CHSY3: variants seen among roughly 807,000 people sequenced by gnomAD.
CHSY3 encodes the protein chondroitin sulfate synthase 3.
In CHSY3, 35 loss-of-function variants were observed where a neutral mutation model predicts 67.2. The ratio of observed to expected loss-of-function variants is 0.52; its 90% confidence interval spans 0.40 to 0.69. The LOEUF (loss-of-function observed/expected upper bound fraction) is 0.69. CHSY3 is among the 30% of genes least tolerant of loss of function. The pLI is 0.00. For synonymous variants in CHSY3, 474 were observed against 434.7 expected (o/e 1.09, Z -1.12); for missense variants, 1,069 against 1,138.5 (o/e 0.94, Z 0.88).
chr5:130,003,277 G>A (rs1426401492), intron 2 of CHSY3, among the ~76,000 whole-genome samples: 2 of 152,124 alleles, frequency 1.3e-5, no homozygotes, highest in East Asian at 3.9e-4. Flanking sequence ...GGAATTTGCT[G>A]GTATGTAAAA....
chr5:130,147,031 T>A (rs776972461), intron 2 of CHSY3, among the ~76,000 whole-genome samples: 7 of 152,136 alleles, frequency 4.6e-5, no homozygotes, highest in Non-Finnish European at 1.0e-4. Flanking sequence ...TGACCTTAAG[T>A]GATCCGCCCA....
chr5:130,161,496 G>T (rs1239223269), intron 2 of CHSY3, among the ~76,000 whole-genome samples: 1 of 152,028 alleles, frequency 6.6e-6, no homozygotes, highest in East Asian at 1.9e-4. Context: ...ATACTTTCTG[G>T]AATTGCATTC....
intron 2 of CHSY3, among the ~76,000 whole-genome samples, chr5:129,943,085 A>C (rs1761746239): frequency 6.6e-6 from 1 of 152,156 alleles, no homozygotes; most frequent in Non-Finnish European, 1.5e-5. Flanking sequence ...CCATTATAAC[A>C]GTTTTGGCAT....
At chr5:130,040,363 A>G (rs1210238193) in intron 2 of CHSY3, among the ~76,000 whole-genome samples, 1 of 152,110 alleles carries the variant, frequency 6.6e-6, no homozygotes, top group Non-Finnish European at 1.5e-5. Flanking sequence ...TCAGGCTTGC[A>G]GAATACCAGT....
chr5:130,165,579 A>G (rs1223223348), intron 2 of CHSY3, among the ~76,000 whole-genome samples: 1 of 151,910 alleles, frequency 6.6e-6, no homozygotes, highest in African/African-American at 2.4e-5. Flanking sequence ...GAAAAGGTAA[A>G]TATTTACCTA....
intron 2 of CHSY3, chr5:129,974,896 G>C (rs930642269): frequency 2.0e-5 from 3 of 152,112 alleles, no homozygotes; most frequent in Non-Finnish European, 4.4e-5. Flanking sequence ...CACTAGTGTT[G>C]TATGAAAGGA....
chr5:129,987,903 CCATGAAGAT>C (rs1763251656), intron 2 of CHSY3, among the ~76,000 whole-genome samples: 1 of 152,058 alleles, frequency 6.6e-6, no homozygotes. Flanking sequence ...TTTTGATTTA[CCATGAAGAT>C]CATATTATGA....
chr5:130,020,912 G>GT (rs1050168532), intron 2 of CHSY3, among the ~76,000 whole-genome samples: 1 of 151,930 alleles, frequency 6.6e-6, no homozygotes, highest in African/African-American at 2.4e-5. Flanking sequence ...TTATTTACGT[G>GT]TTTTTTTCTT....
At chr5:129,933,955 T>TGTTG (rs1478248238) in intron 2 of CHSY3, among the ~76,000 whole-genome samples, 1 of 152,176 alleles carries the variant, frequency 6.6e-6, no homozygotes, top group African/African-American at 2.4e-5. Context: ...AAAATTTCAG[T>TGTTG]GTTGGTTTCA....
chr5:130,036,884 A>T (rs1764876970), intron 2 of CHSY3, among the ~76,000 whole-genome samples: 1 of 152,128 alleles, frequency 6.6e-6, no homozygotes, highest in Non-Finnish European at 1.5e-5. Context: ...TGAAACTGGT[A>T]AAGAGCCATA....
chr5:130,110,275 A>C (rs1376407563), intron 2 of CHSY3, among the ~76,000 whole-genome samples: 1 of 151,894 alleles, frequency 6.6e-6, no homozygotes, highest in Non-Finnish European at 1.5e-5. Flanking sequence ...ATTTGACTAA[A>C]GCTTTGCCTT....
In CHSY3 at chr5:129,922,885, T is replaced by C. The variant is rs186519911; in HGVS notation, c.1086+14525T>C. Among the ~76,000 whole-genome samples, 4 of 152,326 alleles carry C rather than the reference T, an allele frequency of 2.6e-5. No homozygotes were observed. In the South Asian group the frequency reaches 8.3e-4, roughly 32 times the overall value. ...ATTTGTCTAGAGCCGTGCCCATGCA[T>C]AGTATTGTTGAAAATCTTTCTGGAT... On this transcript the variant is annotated intron_variant, in intron 2 of 2. Coordinates refer to ENST00000305031, the MANE Select transcript of CHSY3 (RefSeq NM_175856.5).
At chr5:129,985,743 C>T (rs184328237) in intron 2 of CHSY3, among the ~76,000 whole-genome samples, 1 of 152,192 alleles carries the variant, frequency 6.6e-6, no homozygotes, top group Admixed American at 6.5e-5. Flanking sequence ...TCTTTTACCT[C>T]CCTGGTTAGC....
chr5:130,152,678 G>GA (rs1769264147), intron 2 of CHSY3, among the ~76,000 whole-genome samples: 1 of 152,184 alleles, frequency 6.6e-6, no homozygotes, highest in East Asian at 1.9e-4. Context: ...TCCTTTGAAA[G>GA]CAACAGATAA....
intron 2 of CHSY3, among the ~76,000 whole-genome samples, chr5:130,157,105 C>T (rs1769393806): frequency 6.6e-6 from 1 of 152,192 alleles, no homozygotes; most frequent in African/African-American, 2.4e-5. Flanking sequence ...GACCAGAGAG[C>T]CACACAGAGT....
chr5:129,948,061 C>CTTT (rs892384914), intron 2 of CHSY3, among the ~76,000 whole-genome samples: 1 of 152,084 alleles, frequency 6.6e-6, no homozygotes, highest in African/African-American at 2.4e-5. Context: ...TATAGGTTGC[C>CTTT]TTTTAATTTT....
In CHSY3 at chr5:129,931,440, T is replaced by G. The variant is rs1368269855; in HGVS notation, c.1086+23080T>G. Among the ~76,000 whole-genome samples the G allele has an allele frequency of 2.0e-5, 3 of 152,318 alleles. No individual in the cohort carries two copies. In the East Asian group the frequency reaches 5.8e-4, roughly 29 times the overall value. On this transcript the variant is annotated intron_variant, in intron 2 of 2. Coordinates refer to ENST00000305031, the MANE Select transcript of CHSY3 (RefSeq NM_175856.5). ...ACTAACCTTTTAATAAGGAAAGAGATATTTACCAGCTGAATGCTATAGATA... is the reference window on the plus strand; with the variant it reads ...ACTAACCTTTTAATAAGGAAAGAGAGATTTACCAGCTGAATGCTATAGATA...
At position 129,905,410 on chromosome 5, in the gene CHSY3, C is replaced by A; in HGVS notation, c.581C>A (p.Thr194Asn). The A allele has an allele frequency of 6.2e-7, 1 of 1,609,226 alleles. No individual in the cohort carries two copies. Among genetic ancestry groups the A allele is most frequent in the Non-Finnish European group, 8.5e-7 (1 of 1,178,960 alleles). Residue 194 changes from threonine to asparagine, a missense_variant, in exon 1 of 3, where the codon ACC (threonine) becomes AAC (asparagine). By Grantham distance (65) the Thr-to-Asn change is moderately conservative (BLOSUM62 0). This residue lies in a region of CHSY3 where 216 missense variants were observed against 311.5 expected (regional missense o/e 0.69). Transcript: ENST00000305031. ...AGCCGCGCGCTGGCCGCGCAGCGGA[C>A]CTGGGCGCGTTTCATCCCGGGCCGC... ...LGSRALAAQRTWARFIPGRVE... is the reference protein window; with the variant it reads ...LGSRALAAQRNWARFIPGRVE...
intron 2 of CHSY3, among the ~76,000 whole-genome samples, chr5:129,944,551 T>C (rs1364601996): frequency 6.6e-6 from 1 of 152,136 alleles, no homozygotes; most frequent in Non-Finnish European, 1.5e-5. Flanking sequence ...GTCAGGCTGG[T>C]CTTGAACTCC....
Sources: allele counts gnomAD v4.1 joint callset (sites outside exome capture counted in the v4.1 genomes callset), GRCh38; gene constraint gnomAD v4.1.1; regional missense constraint gnomAD v4.1.1; transcripts MANE v1.5; gene names NCBI Gene and HGNC (gene_info 2026-07-23, HGNC 2026-07-21).